The following TDRKH variants were observed in gnomAD, a reference collection of about 807,000 sequenced individuals.
TDRKH encodes tudor and KH domain-containing protein.
Under a neutral mutation model 61.3 loss-of-function variants are expected in TDRKH, and 28 were observed. The observed-to-expected ratio is 0.46, with a 90% CI of 0.34 to 0.63. The LOEUF is 0.63. Ranked by LOEUF, TDRKH falls within the 20% of genes least tolerant of loss-of-function variation. TDRKH has a pLI of 0.01. For missense variants in TDRKH, 540 were observed against 683.4 expected (o/e 0.79, Z 2.34); for synonymous variants, 219 against 244.4 (o/e 0.90, Z 0.97).
intron 11 of TDRKH, 35 bp from the exon 12 acceptor site, chr1:151,774,841 T>G: frequency 6.2e-7 from 1 of 1,609,194 alleles, no homozygotes; most frequent in East Asian, 2.2e-5. Flanking sequence ...AGGAGGAACA[T>G]GTTGGCTTTT....
intron 4 of TDRKH, chr1:151,779,743 T>C (rs1266022166): frequency 3.9e-6 from 2 of 510,412 alleles, no homozygotes; most frequent in African/African-American, 1.9e-5. Flanking sequence ...AAAGAATCAA[T>C]TTGTAAGGTT....
downstream of TDRKH, chr1:151,766,757 C>T: frequency 6.4e-7 from 1 of 1,559,692 alleles, no homozygotes; most frequent in Non-Finnish European, 8.7e-7. Flanking sequence ...CTGTCTACTC[C>T]CTTTCTTATA....
downstream of TDRKH, chr1:151,770,221 G>C (rs1001748100): frequency 3.1e-6 from 5 of 1,613,900 alleles, no homozygotes; most frequent in Non-Finnish European, 8.5e-7. Flanking sequence ...TGTGGACTCT[G>C]TGTTTGTGAA....
downstream of TDRKH, chr1:151,770,475 A>G: frequency 1.8e-6 from 1 of 555,054 alleles, no homozygotes; most frequent in Non-Finnish European, 3.0e-6. Context: ...GTTAGGGGCC[A>G]GACTGAAGGA....
chr1:151,785,777 G>A (rs1039241610), intron 1 of TDRKH, among the ~76,000 whole-genome samples: 1 of 151,824 alleles, frequency 6.6e-6, no homozygotes, highest in East Asian at 1.9e-4. Flanking sequence ...TCTTTATTTT[G>A]ATCAACATAT....
Position 151,781,328 on chromosome 1 carries a change from A to AATATATATATATATATATATATAT in TDRKH, c.231+152_231+153insATATATATATATATATATATATAT, listed in dbSNP as rs60652277. ...GCGAAACTCCATCTCAAAAAAAAAA[A>AATATATATATATATATATATATAT]ATATATATATATATATTTTATATAT... On this transcript the variant is annotated intron_variant, in intron 3 of 12. Transcript: ENST00000368824. Among the ~76,000 whole-genome samples the AATATATATATATATATATATATAT allele has an allele frequency of 4.8e-4, 33 of 68,560 alleles. 1 individual carries two copies. The highest frequency in any genetic ancestry group is 6.5e-4 in the Non-Finnish European group (19 of 29,268). 45.0% of individuals were successfully genotyped at this position (68,560 alleles called of 152,430 possible).
chr1:151,767,347 C>T (rs944711975), downstream of TDRKH: 13 of 1,594,308 alleles, frequency 8.2e-6, no homozygotes, highest in Admixed American at 1.4e-4. Context: ...CCTTTTCTTG[C>T]ATACCTTGCA....
At position 151,774,380 on chromosome 1, in the gene TDRKH, C is replaced by T; in HGVS notation, c.*72G>A. The stretch of plus-strand genomic sequence containing the variant: ...CCCCACTGTCGCCCTCATTACTTTC[C>T]TGTTGCTACAGATAGATGATAGCTG... On this transcript the variant is annotated 3_prime_UTR_variant, in exon 13 of 13. Coordinates refer to ENST00000368824, the MANE Select transcript of TDRKH (RefSeq NM_001083965.2). 1 of 1,549,764 alleles carries T rather than the reference C, an allele frequency of 6.5e-7. No individual in the cohort carries two copies.
chr1:151,777,200 T>C (rs924646733), intron 6 of TDRKH, among the ~76,000 whole-genome samples: 2 of 152,238 alleles, frequency 1.3e-5, no homozygotes, highest in African/African-American at 4.8e-5. Flanking sequence ...ATCCCAGCAC[T>C]TTGGGAGGCC....
At chr1:151,777,974 CT>C (rs1179601563) in intron 6 of TDRKH, among the ~76,000 whole-genome samples, 1 of 152,074 alleles carries the variant, frequency 6.6e-6, no homozygotes, top group African/African-American at 2.4e-5. Context: ...ACTTTGAGGA[CT>C]TTATCCCAGA....
intron 3 of TDRKH, among the ~76,000 whole-genome samples, 153 bp downstream of exon 3, chr1:151,781,328 A>AAATATATATATATATATATATATATAT (rs1491536697): frequency 2.9e-5 from 2 of 68,598 alleles, no homozygotes; most frequent in Non-Finnish European, 6.8e-5. Flanking sequence ...AAAAAAAAAA[A>AAATATATATATATATATATATATATAT]ATATATATAT....
Position 151,779,225 on chromosome 1 carries a change from T to C in TDRKH, c.439A>G (p.Ile147Val). Residue 147 changes from isoleucine (I) to valine (V), a missense_variant, in exon 5 of 13, where the codon ATT (isoleucine) becomes GTT (valine). Physicochemically the swap from Ile to Val is conservative, Grantham distance 29. Transcript: ENST00000368824. ...CCAGATGCCTTACAGATAGAACGAATTGTCTCGCCGCCTCTCCCTACATTA... is the reference window on the plus strand; with the variant it reads ...CCAGATGCCTTACAGATAGAACGAACTGTCTCGCCGCCTCTCCCTACATTA... The part of the protein sequence containing the change: ...GRIIGRGGET[I>V]RSICKASGAK... 1 of 1,614,164 alleles carries C rather than the reference T, an allele frequency of 6.2e-7. No individual in the cohort carries two copies. Among genetic ancestry groups the C allele is most frequent in the African/African-American group, 1.3e-5 (1 of 75,048 alleles).
chr1:151,789,715 A>C (rs546615430), intron 1 of TDRKH, among the ~76,000 whole-genome samples: 1 of 152,366 alleles, frequency 6.6e-6, no homozygotes, highest in South Asian at 2.1e-4. Flanking sequence ...GAAAGCATAG[A>C]TAACTCATTC....
At chr1:151,767,799 T>C (rs1648416584), downstream of TDRKH, among the ~76,000 whole-genome samples, 1 of 152,234 alleles carries the variant, frequency 6.6e-6, no homozygotes, top group South Asian at 2.1e-4. Context: ...TCTAAGTTCC[T>C]AAATGGTTAT....
chr1:151,771,023 T>C (rs1274488294), downstream of TDRKH: 3 of 1,517,268 alleles, frequency 2.0e-6, no homozygotes, highest in African/African-American at 4.2e-5. Context: ...TCTGGGGGCA[T>C]ACATGTATTG....
At chr1:151,775,291 A>C in intron 10 of TDRKH, 101 bp downstream of exon 10, 1 of 1,542,428 alleles carries the variant, frequency 6.5e-7, no homozygotes, top group Non-Finnish European at 8.8e-7. Context: ...AGGATCTTAC[A>C]GTAAGAGTAA....
chr1:151,778,694 T>C lies in TDRKH; in HGVS notation c.874A>G (p.Met292Val), dbSNP rs1365538741. 1 of 1,612,286 alleles carries C rather than the reference T, an allele frequency of 6.2e-7. No homozygotes were observed. The highest frequency in any genetic ancestry group is 1.3e-5 in the African/African-American group (1 of 74,746). ...CCTCTTTGTTACATACTTTCAAACATGGGCATCTCTGGGATGGCCTGGGCT... is the reference window on the plus strand; with the variant it reads ...CCTCTTTGTTACATACTTTCAAACACGGGCATCTCTGGGATGGCCTGGGCT... ...SEAQAIPEMP[M>V]FEIPSPDFSF... Residue 292 changes from methionine (M) to valine (V), a missense_variant, in exon 6 of 13, where the codon ATG becomes GTG. Around this residue, in one of 3 missense-constraint regions of TDRKH, gnomAD observed 379 missense variants for 443.8 expected, o/e 0.85. Coordinates refer to ENST00000368824, the MANE Select transcript of TDRKH (RefSeq NM_001083965.2).
chr1:151,766,613 C>T (rs1261177266), downstream of TDRKH: 1 of 1,316,140 alleles, frequency 7.6e-7, no homozygotes, highest in African/African-American at 1.5e-5. Flanking sequence ...GGGCTGACCC[C>T]TTATCCATGT....
At position 151,790,462 on chromosome 1, in the gene TDRKH, C is replaced by A. The variant is rs571066129; in HGVS notation, c.-110G>T. On this transcript the variant is annotated 5_prime_UTR_variant, in exon 1 of 13. Transcript: ENST00000368824. ...TCGCGCCTCACCCCAGCTGCAGCCACCAGCGCCGCCGCCTCCCACTCACAC... is the reference window on the plus strand; with the variant it reads ...TCGCGCCTCACCCCAGCTGCAGCCAACAGCGCCGCCGCCTCCCACTCACAC... 1.3e-3 allele frequency: 197 copies of A among 153,170 alleles called. 1 individual carries two copies. The highest frequency in any genetic ancestry group is 6.8e-3 in the South Asian group (33 of 4,868). The allele number at this position is 153,170 out of a possible 1,614,324, so 9.5% of individuals were successfully genotyped here.
Sources: allele counts gnomAD v4.1 joint callset (sites outside exome capture counted in the v4.1 genomes callset), GRCh38; gene constraint gnomAD v4.1.1; regional missense constraint gnomAD v4.1.1; transcripts MANE v1.5; gene names NCBI Gene and HGNC (gene_info 2026-07-23, HGNC 2026-07-21).